FGF12: variants seen among roughly 807,000 people sequenced by gnomAD.
FGF12 encodes the protein fibroblast growth factor 12, also known as fibroblast growth factor 12B.
FGF12 carries 14 observed loss-of-function variants against 23.6 expected under a neutral mutation model. The observed-to-expected ratio is 0.59, with a 90% confidence interval of 0.39 to 0.93. The LOEUF (loss-of-function observed/expected upper bound fraction) is 0.93. Ranked by LOEUF, FGF12 falls within the 40% of genes least tolerant of loss-of-function variation. The pLI, the probability that FGF12 is intolerant of heterozygous loss-of-function variation, is 0.00. For missense variants in FGF12, 175 were observed against 217.8 expected (o/e 0.80, Z 1.24); for synonymous variants, 62 against 77.3 (o/e 0.80, Z 1.04).
intron 2 of FGF12, among the ~76,000 whole-genome samples, chr3:192,421,465 T>A (rs1349803800): frequency 2.6e-5 from 4 of 151,810 alleles, no homozygotes; most frequent in African/African-American, 9.7e-5. Context: ...TAGCAAAGAT[T>A]GTCAGCATGG....
intron 2 of FGF12, among the ~76,000 whole-genome samples, chr3:192,385,561 C>G (rs573722266): frequency 7.2e-5 from 11 of 152,084 alleles, no homozygotes; most frequent in Non-Finnish European, 1.0e-4. Flanking sequence ...AGAATTCACC[C>G]CCCCCAGCTC....
chr3:192,264,986 G>A (rs1206346200), intron 4 of FGF12, among the ~76,000 whole-genome samples: 2 of 152,028 alleles, frequency 1.3e-5, no homozygotes, highest in Non-Finnish European at 2.9e-5. Flanking sequence ...GCTTTCTAAG[G>A]ACATAATCAG....
intron 4 of FGF12, among the ~76,000 whole-genome samples, chr3:192,289,043 T>C (rs1714616579): frequency 1.3e-5 from 2 of 152,070 alleles, no homozygotes; most frequent in African/African-American, 4.8e-5. Context: ...CACCAAGAAA[T>C]CTTTCCAGGA....
At chr3:192,338,847 T>C (rs1717549395) in intron 3 of FGF12, among the ~76,000 whole-genome samples, 1 of 152,188 alleles carries the variant, frequency 6.6e-6, no homozygotes. Context: ...AGATGCAAGG[T>C]ACTTCATTTT....
intron 2 of FGF12, among the ~76,000 whole-genome samples, chr3:192,532,408 T>C (rs570632240): frequency 1.8e-4 from 28 of 152,360 alleles, no homozygotes; most frequent in African/African-American, 6.5e-4. Flanking sequence ...CATTTCTTTG[T>C]GTCATCTATG....
chr3:192,407,017 C>G (rs550291776), intron 2 of FGF12, among the ~76,000 whole-genome samples: 59 of 152,308 alleles, frequency 3.9e-4, no homozygotes, highest in African/African-American at 1.4e-3. Context: ...CAGCCACAAC[C>G]CAGAAAACCA....
chr3:192,285,218 C>G (rs1215921558), intron 4 of FGF12, among the ~76,000 whole-genome samples: 2 of 151,996 alleles, frequency 1.3e-5, no homozygotes, highest in Non-Finnish European at 2.9e-5. Flanking sequence ...ATACCTGTGA[C>G]AGTGGAATTA....
chr3:192,175,160 T>C (rs1026982558), intron 4 of FGF12, among the ~76,000 whole-genome samples: 5 of 152,184 alleles, frequency 3.3e-5, no homozygotes, highest in African/African-American at 7.2e-5. Context: ...GTGTTCAGAC[T>C]GACAAAAAAT....
At chr3:192,549,013 C>G (rs1461298590) in intron 2 of FGF12, among the ~76,000 whole-genome samples, 1 of 152,114 alleles carries the variant, frequency 6.6e-6, no homozygotes, top group Non-Finnish European at 1.5e-5. Context: ...TAAACCACTG[C>G]CACATTTCTT....
chr3:192,564,476 C>T (rs1244663459), intron 2 of FGF12, among the ~76,000 whole-genome samples: 4 of 152,170 alleles, frequency 2.6e-5, no homozygotes, highest in Admixed American at 2.6e-4. Flanking sequence ...CTCAGGAAGA[C>T]TTTCCAACAC....
chr3:192,146,295 G>A (rs1189674295), intron 5 of FGF12, among the ~76,000 whole-genome samples: 1 of 134,812 alleles, frequency 7.4e-6, no homozygotes, highest in East Asian at 2.0e-4. Flanking sequence ...TTTTGAGACG[G>A]AGTCTCGCTC....
chr3:192,536,065 T>C, intron 2 of FGF12, among the ~76,000 whole-genome samples: 1 of 152,214 alleles, frequency 6.6e-6, no homozygotes. Flanking sequence ...CTATTTACTT[T>C]TTTACATATT....
intron 2 of FGF12, among the ~76,000 whole-genome samples, chr3:192,597,597 A>T (rs1490372314): frequency 2.0e-5 from 3 of 152,208 alleles, no homozygotes; most frequent in Non-Finnish European, 4.4e-5. Flanking sequence ...AAGGAAATAT[A>T]CATAATTATA....
At chr3:192,156,981 C>T (rs990822767) in intron 5 of FGF12, among the ~76,000 whole-genome samples, 3 of 152,072 alleles carry the variant, frequency 2.0e-5, no homozygotes, top group Non-Finnish European at 4.4e-5. Flanking sequence ...CTAGAGCTAT[C>T]GTAGATTGAA....
chr3:192,538,377 C>A (rs188983054), intron 2 of FGF12, among the ~76,000 whole-genome samples: 34 of 152,244 alleles, frequency 2.2e-4, no homozygotes, highest in African/African-American at 8.2e-4. Flanking sequence ...AAGATATTGT[C>A]TTTTCCCCAA....
At chr3:192,361,169 CAAAAAAAAA>C (rs10651290) in intron 2 of FGF12, among the ~76,000 whole-genome samples, 5 of 98,766 alleles carry the variant, frequency 5.1e-5, no homozygotes, top group East Asian at 3.3e-4. Flanking sequence ...TTCTCCAGTA[CAAAAAAAAA>C]AAAAAAAAAA....
At chr3:192,485,835 TTA>T (rs1403697747) in intron 2 of FGF12, among the ~76,000 whole-genome samples, 5 of 152,164 alleles carry the variant, frequency 3.3e-5, no homozygotes, top group African/African-American at 4.8e-5. Context: ...TGAGATAATT[TTA>T]TGTCATTAAA....
intron 2 of FGF12, among the ~76,000 whole-genome samples, chr3:192,417,579 C>A (rs1721397035): frequency 1.3e-5 from 2 of 152,002 alleles, no homozygotes; most frequent in Admixed American, 6.6e-5. Context: ...TTAAGCAAAA[C>A]CCTAGGCATG....
chr3:192,363,107 G>A (rs1392097674), intron 2 of FGF12, among the ~76,000 whole-genome samples: 1 of 144,296 alleles, frequency 6.9e-6, no homozygotes, highest in Non-Finnish European at 1.5e-5. Context: ...GGGGAGGGGG[G>A]AGGGATAGCA....
Sources: gnomAD v4.1 joint callset for allele counts (sites outside exome capture counted in the v4.1 genomes callset) on GRCh38, gnomAD v4.1.1 for gene constraint, MANE v1.5 for transcripts, NCBI Gene and HGNC (gene_info 2026-07-23, HGNC 2026-07-21) for gene names.